The following TMEM62 variants were observed in gnomAD, a reference collection of about 807,000 sequenced individuals.
The protein encoded by TMEM62 is transmembrane protein 62.
In TMEM62, 41 loss-of-function variants were observed where a neutral mutation model predicts 70.4. That is an observed-to-expected ratio of 0.58 (90% confidence interval 0.45 to 0.76). The LOEUF (loss-of-function observed/expected upper bound fraction) is 0.76, where lower values mean the gene tolerates loss of function less well. Ranked by LOEUF, TMEM62 falls within the 30% of genes least tolerant of loss-of-function variation. The pLI is 0.00. For synonymous variants in TMEM62, 268 were observed against 291.0 expected, an observed-to-expected ratio of 0.92 and a Z score of 0.80; for missense variants, 688 against 788.5, an observed-to-expected ratio of 0.87 and a Z score of 1.53.
At chr15:43,167,066 G>A (rs971539625) in intron 10 of TMEM62, among the ~76,000 whole-genome samples, 1 of 152,178 alleles carries the variant, frequency 6.6e-6, no homozygotes, top group African/African-American at 2.4e-5. Context: ...CTCCCAGACG[G>A]GGTGGTGGCC....
Position 43,151,781 on chromosome 15 carries a change from G to C in TMEM62, c.867-9G>C, listed in dbSNP as rs1256241814. On this transcript the variant is annotated splice_polypyrimidine_tract_variant and intron_variant, in intron 7 of 13. Transcript: ENST00000260403. The stretch of plus-strand genomic sequence containing the variant: ...TGACTAAATTACCTTATCATTATCT[G>C]GTCTTTAGGTACCGGATTTTTGCTT... 6 of 1,612,112 alleles carry C rather than the reference G, an allele frequency of 3.7e-6. No homozygotes were observed. In the East Asian group the frequency reaches 1.3e-4, roughly 36 times the overall value.
intron 5 of TMEM62, among the ~76,000 whole-genome samples, chr15:43,146,955 G>T (rs1340599660): frequency 1.3e-5 from 2 of 152,170 alleles, no homozygotes; most frequent in Non-Finnish European, 2.9e-5. Flanking sequence ...TCCCACAATT[G>T]CCAGTTCTAA....
At chr15:43,146,466 A>G in intron 4 of TMEM62, 27 bp from the exon 5 acceptor site, 21 of 1,592,884 alleles carry the variant, frequency 1.3e-5, no homozygotes, top group Non-Finnish European at 1.8e-5. Context: ...TTATTACACT[A>G]ACACCCTCCT....
rs900817675 is a variant in TMEM62, at chr15:43,133,799, C to T, written c.-4C>T. On this transcript the variant is annotated 5_prime_UTR_variant, in exon 1 of 14. Transcript: ENST00000260403. ...CGAGGGCCGCGCCCCGGCGGGCGGG[C>T]GGCATGGCTGCAGTGCTGGCTCTCA... 2.2e-6 allele frequency: 3 copies of T among 1,367,842 alleles called. No individual in the cohort carries two copies. The East Asian group carries it at 9.2e-5, about 42-fold the overall frequency. The allele number at this position is 1,367,842 out of a possible 1,614,324, so 84.7% of individuals were successfully genotyped here. A position where few individuals can be genotyped will look rare whatever the true frequency, so the allele number is the denominator to read the frequency against.
At chr15:43,138,810 G>A (rs550176275) in intron 4 of TMEM62, among the ~76,000 whole-genome samples, 191 bp downstream of exon 4, 1 of 152,308 alleles carries the variant, frequency 6.6e-6, no homozygotes, top group South Asian at 2.1e-4. Flanking sequence ...AGCTGGGGCT[G>A]CAGGCACATG....
In TMEM62 at chr15:43,133,727, A is replaced by C; in HGVS notation, c.-76A>C. 1 of 1,065,316 alleles carries C rather than the reference A, an allele frequency of 9.4e-7. No homozygotes were observed. The highest frequency in any genetic ancestry group is 1.2e-6 in the Non-Finnish European group (1 of 824,500). 66.0% of individuals were successfully genotyped at this position (1,065,316 alleles called of 1,614,324 possible). On this transcript the variant is annotated 5_prime_UTR_variant, in exon 1 of 14. Coordinates refer to ENST00000260403, the MANE Select transcript of TMEM62 (RefSeq NM_024956.4). ...CTGCGACAATAGAGTCCGGAAGTGC[A>C]GGCAAAGCGGCTCCCGGGAGCGCCG...
At chr15:43,143,063 C>CT (rs955463007) in intron 4 of TMEM62, among the ~76,000 whole-genome samples, 51 of 146,248 alleles carry the variant, frequency 3.5e-4, no homozygotes, top group African/African-American at 8.3e-4. Flanking sequence ...GTAAACATAA[C>CT]TTTTTTTTTT....
intron 11 of TMEM62, among the ~76,000 whole-genome samples, chr15:43,175,175 A>T (rs1010660761): frequency 1.3e-5 from 2 of 152,230 alleles, no homozygotes; most frequent in Non-Finnish European, 2.9e-5. Context: ...ATAAATAATT[A>T]TTATTCTATC....
intron 11 of TMEM62, 102 bp downstream of exon 11, chr15:43,169,779 C>A: frequency 1.1e-6 from 1 of 948,928 alleles, no homozygotes; most frequent in Non-Finnish European, 1.6e-6. Context: ...TATGAATGAC[C>A]ATGGCCCAGG....
In TMEM62 at chr15:43,181,257, T is replaced by C. The variant is rs750918540; in HGVS notation, c.1563T>C (p.His521=). Residue 521 remains histidine (H), a synonymous_variant, in exon 13 of 14, where the codon CAT becomes CAC. Transcript: ENST00000260403. ...CCTTTGGGATATTTGTTAATGGACATTTCCTACAAGGCAGCATAACATTTA... is the reference window on the plus strand; with the variant it reads ...CCTTTGGGATATTTGTTAATGGACACTTCCTACAAGGCAGCATAACATTTA... ...CFSFGIFVNG[H]FLQGSITFII... The C allele has an allele frequency of 1.2e-6, 2 of 1,613,834 alleles. No homozygotes were observed. Among genetic ancestry groups the C allele is most frequent in the East Asian group, 4.5e-5 (2 of 44,830 alleles).
At chr15:43,169,550 G>A in intron 10 of TMEM62, 43 bp from the exon 11 acceptor site, 1 of 1,516,276 alleles carries the variant, frequency 6.6e-7, no homozygotes, top group South Asian at 1.2e-5. Flanking sequence ...AACTGAAAGT[G>A]TACCCATGTA....
chr15:43,165,834 TC>T, intron 10 of TMEM62, among the ~76,000 whole-genome samples: 2 of 152,314 alleles, frequency 1.3e-5, no homozygotes, highest in South Asian at 4.1e-4. Context: ...TTCAAGAAGT[TC>T]ATTGAGCTTC....
chr15:43,152,656 A>G (rs1432122432), intron 8 of TMEM62, among the ~76,000 whole-genome samples: 1 of 152,194 alleles, frequency 6.6e-6, no homozygotes, highest in Non-Finnish European at 1.5e-5. Context: ...ACGCCTCCCC[A>G]AGTGCTGGGA....
At chr15:43,171,304 C>G (rs2040161074) in intron 11 of TMEM62, among the ~76,000 whole-genome samples, 1 of 151,692 alleles carries the variant, frequency 6.6e-6, no homozygotes, top group African/African-American at 2.4e-5. Context: ...TCACTGCACT[C>G]CAGCTTGGGC....
chr15:43,134,370 T>TAGGG lies in TMEM62; in HGVS notation c.292+6_292+9dup, dbSNP rs746409207. On this transcript the variant is annotated splice_region_variant and intron_variant, in intron 2 of 13. Transcript: ENST00000260403. ...AACCAGCTCTCGTCCTAGCAACAGG[T>TAGGG]AGGGAGGCTTGCCGTGCTGTGGTGG... 153 of 1,610,086 alleles carry TAGGG rather than the reference T, an allele frequency of 9.5e-5. 1 individual carries two copies. Among genetic ancestry groups the TAGGG allele is most frequent in the Non-Finnish European group, 1.2e-4 (146 of 1,176,806 alleles).
At chr15:43,179,425 C>A (rs903172096) in intron 12 of TMEM62, among the ~76,000 whole-genome samples, 1 of 152,102 alleles carries the variant, frequency 6.6e-6, no homozygotes, top group Non-Finnish European at 1.5e-5. Context: ...TGGCATATGA[C>A]AAACATTTCA....
At chr15:43,176,958 G>A (rs1431674199) in intron 11 of TMEM62, among the ~76,000 whole-genome samples, 1 of 152,038 alleles carries the variant, frequency 6.6e-6, no homozygotes, top group East Asian at 1.9e-4. Context: ...AGACAAATGT[G>A]TAACTAGAAT....
chr15:43,138,480 A>G, intron 3 of TMEM62, 94 bp from the exon 4 acceptor site: 1 of 1,027,624 alleles, frequency 9.7e-7, no homozygotes, highest in Non-Finnish European at 1.5e-6. Context: ...GAATTGTTAT[A>G]GAAAGAATTA....
intron 3 of TMEM62, among the ~76,000 whole-genome samples, chr15:43,137,860 C>G (rs2035444237): frequency 6.6e-6 from 1 of 152,220 alleles, no homozygotes; most frequent in Non-Finnish European, 1.5e-5. Context: ...GTGTTCATTG[C>G]CGTCATCTGC....
Sources: allele counts gnomAD v4.1 joint callset (sites outside exome capture counted in the v4.1 genomes callset), GRCh38; gene constraint gnomAD v4.1.1; transcripts MANE v1.5; gene names NCBI Gene and HGNC (gene_info 2026-07-23, HGNC 2026-07-21).